The following YBX3 variants were observed in gnomAD, a reference collection of about 807,000 sequenced individuals.
YBX3 encodes Y-box-binding protein 3.
Under a neutral mutation model 42.4 loss-of-function variants are expected in YBX3, and 29 were observed. That is an observed-to-expected ratio of 0.68 (90% CI 0.51 to 0.93). YBX3 has a LOEUF of 0.93. Among genes scored for constraint, YBX3 ranks in the 40% least tolerant of loss-of-function variants. The pLI is 0.00. For missense variants in YBX3, 517 were observed against 527.5 expected (o/e 0.98, Z 0.19); for synonymous variants, 195 against 189.8 (o/e 1.03, Z -0.22).
rs1287326474 is a variant in YBX3 at position 10,704,794 on chromosome 12, A to C, written c.781-646T>G. ...TACCCTGGGTAAGTGGTCCAAGTTCATATCTGAAACCAACAGCCTCTCTAT... is the reference window on the plus strand; with the variant it reads ...TACCCTGGGTAAGTGGTCCAAGTTCCTATCTGAAACCAACAGCCTCTCTAT... On this transcript the variant is annotated intron_variant, in intron 6 of 9. Coordinates refer to ENST00000228251, the MANE Select transcript of YBX3 (RefSeq NM_003651.5). Among the ~76,000 whole-genome samples the C allele has an allele frequency of 2.6e-5, 4 of 152,334 alleles. No homozygotes were observed. In the South Asian group the frequency reaches 6.2e-4, roughly 24 times the overall value.
chr12:10,700,438 G>A (rs1205336352), intron 9 of YBX3, among the ~76,000 whole-genome samples: 1 of 151,912 alleles, frequency 6.6e-6, no homozygotes, highest in Non-Finnish European at 1.5e-5. Context: ...AAGAACTAAA[G>A]TCTCAGTTAA....
At chr12:10,704,535 GA>G (rs34419007) in intron 6 of YBX3, 1 of 155,754 alleles carries the variant, frequency 6.4e-6, no homozygotes. Context: ...GGGAAAGAAA[GA>G]ACAACTTAAA....
rs201043365 is a variant in YBX3 at position 10,713,304 on chromosome 12, C to G, written c.480G>C (p.Pro160=). The change falls in exon 5 of 10, where the codon CCG becomes CCC. Residue 160 remains proline, a synonymous_variant. Coordinates refer to ENST00000228251, the MANE Select transcript of YBX3 (RefSeq NM_003651.5). ...KGAEAANVTG[P]DGVPVEGSRY... ...GACTCCCTTCCACAGGAACTCCATC[C>G]GGGCCAGTCACATTGGCAGCTTCTG... 7.4e-5 allele frequency: 119 copies of G among 1,613,856 alleles called. No homozygotes were observed. The highest frequency in any genetic ancestry group is 3.3e-4 in the Middle Eastern group (2 of 6,084).
intron 1 of YBX3, among the ~76,000 whole-genome samples, chr12:10,721,528 C>T (rs962665200): frequency 1.3e-5 from 2 of 152,158 alleles, no homozygotes; most frequent in African/African-American, 4.8e-5. Flanking sequence ...GTACTACTGA[C>T]TAGATTTAAG....
intron 6 of YBX3, among the ~76,000 whole-genome samples, chr12:10,707,680 C>T (rs1591576103): frequency 6.6e-6 from 1 of 152,190 alleles, no homozygotes; most frequent in African/African-American, 2.4e-5. Context: ...TTACTGGCTT[C>T]TCATCACATT....
rs532948106 is a variant in YBX3, at chr12:10,709,811, T to C, written c.780+97A>G. The C allele has an allele frequency of 1.5e-5, 22 of 1,451,300 alleles. No individual in the cohort carries two copies. In the African/African-American group the frequency reaches 2.9e-4, roughly 19 times the overall value. 89.9% of individuals were successfully genotyped at this position (1,451,300 alleles called of 1,614,324 possible). On this transcript the variant is annotated intron_variant, in intron 6 of 9. Transcript: ENST00000228251. ...TAGCATCAGGAAGCCATAAGCAAGG[T>C]TTCTGGCAGCTGATGTTGGAGGAGG...
At position 10,702,118 on chromosome 12, in the gene YBX3, G is replaced by C; in HGVS notation, c.895C>G (p.Pro299Ala). 1 of 1,614,050 alleles carries C rather than the reference G, an allele frequency of 6.2e-7. No homozygotes were observed. ...PRYRSRGPPR[P>A]RPAPAVGEAE... The stretch of plus-strand genomic sequence containing the variant: ...TCTCCAACTGCTGGGGCAGGTCGTG[G>C]GCGAGGAGGTCCCCTGCTGTAGGGA... The change falls in exon 8 of 10, where the codon CCA becomes GCA. Residue 299 changes from proline (P) to alanine (A), a missense_variant. Pro to Ala is a conservative substitution (Grantham distance 27). Transcript: ENST00000228251.
chr12:10,707,052 C>G (rs1948146958), intron 6 of YBX3, among the ~76,000 whole-genome samples: 1 of 130,530 alleles, frequency 7.7e-6, no homozygotes, highest in Non-Finnish European at 1.6e-5. Context: ...ATAAATAATT[C>G]CAAATAATTA....
At chr12:10,703,727 C>A in intron 7 of YBX3, 1 of 316,292 alleles carries the variant, frequency 3.2e-6, no homozygotes, top group South Asian at 3.1e-5. Flanking sequence ...TCCTCTGACA[C>A]TCAATTCTTC....
rs1026598767 is a variant in YBX3, at chr12:10,723,295, C to A, written c.-184G>T. ...CGGCTCGAGCTTCGTGCTGCGCGCT[C>A]TCTCTTGGGCTCCTCGCTCGATCTT... is the stretch of plus-strand genomic sequence containing the variant. On this transcript the variant is annotated 5_prime_UTR_variant, in exon 1 of 10. Transcript: ENST00000228251. 4 of 991,648 alleles carry A rather than the reference C, an allele frequency of 4.0e-6. No homozygotes were observed. The highest frequency in any genetic ancestry group is 9.8e-5 in the South Asian group (2 of 20,390). The allele number at this position is 991,648 out of a possible 1,614,324, so 61.4% of individuals were successfully genotyped here. A position where few individuals can be genotyped will look rare whatever the true frequency, so the allele number is the denominator to read the frequency against.
chr12:10,704,801 A>C (rs919867318), intron 6 of YBX3, among the ~76,000 whole-genome samples: 6 of 152,208 alleles, frequency 3.9e-5, no homozygotes, highest in African/African-American at 1.4e-4. Context: ...TTCATATCTG[A>C]AACCAACAGC....
Position 10,713,308 on chromosome 12 carries a change from C to A in YBX3, c.476G>T (p.Gly159Val). The change falls in exon 5 of 10, where the codon GGC becomes GTC. Residue 159 changes from glycine to valine, a missense_variant. Physicochemically the swap from Gly to Val is moderately radical, Grantham distance 109. This residue lies in a region of YBX3 where 420 missense variants were observed against 408.5 expected (regional missense o/e 1.03). Transcript: ENST00000228251. ...CCCTTCCACAGGAACTCCATCCGGGCCAGTCACATTGGCAGCTTCTGCACC... is the reference window on the plus strand; with the variant it reads ...CCCTTCCACAGGAACTCCATCCGGGACAGTCACATTGGCAGCTTCTGCACC... The part of the protein sequence containing the change: ...EKGAEAANVT[G>V]PDGVPVEGSR... 6.2e-7 allele frequency: 1 copy of A among 1,613,920 alleles called. No individual in the cohort carries two copies. Among genetic ancestry groups the A allele is most frequent in the South Asian group, 1.1e-5 (1 of 91,062 alleles).
At chr12:10,718,960 A>T (rs1045930404) in intron 2 of YBX3, 120 bp downstream of exon 2, 2 of 785,508 alleles carry the variant, frequency 2.5e-6, no homozygotes, top group Non-Finnish European at 4.1e-6. Flanking sequence ...GAGAATATTT[A>T]CAGTGCTTAG....
intron 5 of YBX3, chr12:10,711,137 T>C (rs1305883394): frequency 1.4e-4 from 21 of 152,112 alleles, no homozygotes; most frequent in Non-Finnish European, 1.5e-5. Context: ...CAAAGGAATT[T>C]ACCGATTCAT....
intron 2 of YBX3, 55 bp downstream of exon 2, chr12:10,719,025 T>C: frequency 6.5e-7 from 1 of 1,538,612 alleles, no homozygotes; most frequent in Non-Finnish European, 9.0e-7. Flanking sequence ...TTATAACTCC[T>C]GGTGCCACAA....
intron 4 of YBX3, 27 bp downstream of exon 4, chr12:10,715,667 T>C: frequency 1.3e-6 from 2 of 1,595,934 alleles, no homozygotes; most frequent in Non-Finnish European, 1.7e-6. Flanking sequence ...GCCAGCACTT[T>C]GATACCCAAC....
intron 3 of YBX3, among the ~76,000 whole-genome samples, chr12:10,717,091 A>G (rs771030032): frequency 2.6e-5 from 4 of 152,242 alleles, no homozygotes; most frequent in African/African-American, 7.2e-5. Context: ...TCTGAACAAA[A>G]TAAATCTACT....
At chr12:10,718,152 G>A in intron 2 of YBX3, 31 bp from the exon 3 acceptor site, 3 of 1,605,704 alleles carry the variant, frequency 1.9e-6, no homozygotes, top group Non-Finnish European at 8.5e-7. Context: ...CACAATTAAA[G>A]GTAGTACGTA....
intron 3 of YBX3, 73 bp from the exon 4 acceptor site, chr12:10,715,856 C>T (rs1948256192): frequency 7.9e-7 from 1 of 1,270,410 alleles, no homozygotes; most frequent in African/African-American, 1.5e-5. Flanking sequence ...CTTTCAAGTA[C>T]ACCAGAGTGA....
Sources: gnomAD v4.1 joint callset for allele counts (sites outside exome capture counted in the v4.1 genomes callset) on GRCh38, gnomAD v4.1.1 for gene constraint, gnomAD v4.1.1 regional missense constraint, MANE v1.5 for transcripts, NCBI Gene and HGNC (gene_info 2026-07-23, HGNC 2026-07-21) for gene names.